The following PITPNM2 variants were observed in gnomAD, a reference collection of about 807,000 sequenced individuals.
PITPNM2 encodes phosphatidylinositol transfer protein membrane associated 2.
In PITPNM2, 35 loss-of-function variants were observed where a neutral mutation model predicts 132.2. The observed-to-expected ratio is 0.26, with a 90% CI of 0.20 to 0.35. The LOEUF is 0.35. Ranked by LOEUF, PITPNM2 falls within the 10% of genes least tolerant of loss-of-function variation. PITPNM2 has a pLI of 1.00. For missense variants in PITPNM2, 1,332 were observed against 1,912.0 expected (o/e 0.70, Z 5.66); for synonymous variants, 738 against 799.2 (o/e 0.92, Z 1.29).
At chr12:123,080,107 A>C (rs1478832736) in intron 2 of PITPNM2, among the ~76,000 whole-genome samples, 1 of 152,060 alleles carries the variant, frequency 6.6e-6, no homozygotes, top group Non-Finnish European at 1.5e-5. Context: ...TCAGTCCTTC[A>C]TTCTCTTTTA....
rs1171590738 is a variant in PITPNM2 at position 123,150,732 on chromosome 12, C to A, written c.-200+21G>T. ...CGGGACTCACCGCGGGCCTGCGGAG[C>A]GGCCGCCCGGACGCACTCACCCCGC... On this transcript the variant is annotated intron_variant, in intron 1 of 25. Transcript: ENST00000320201. This position sits in a 1 kb window ranked among gnomAD's most constrained non-coding sequence, Gnocchi z 6.0. Among the ~76,000 whole-genome samples the A allele has an allele frequency of 6.6e-6, 1 of 150,552 alleles. No individual in the cohort carries two copies. The highest frequency in any genetic ancestry group is 1.5e-5 in the Non-Finnish European group (1 of 67,556).
chr12:123,135,008 T>C (rs998903847), intron 1 of PITPNM2, among the ~76,000 whole-genome samples: 1 of 152,228 alleles, frequency 6.6e-6, no homozygotes, highest in Non-Finnish European at 1.5e-5. Flanking sequence ...GATCATGTTT[T>C]GTTGGTGGGC....
rs558786219 is a variant in PITPNM2, at chr12:123,097,871, A to C, written c.-96+12514T>G. 2.0e-5 allele frequency among the ~76,000 whole-genome samples: 3 copies of C among 152,352 alleles called. No individual in the cohort carries two copies. The East Asian group carries it at 5.8e-4, about 29-fold the overall frequency. On this transcript the variant is annotated intron_variant, in intron 2 of 25. Transcript: ENST00000320201. This position sits in a 1 kb window ranked among gnomAD's most constrained non-coding sequence, Gnocchi z 4.7. ...TGAGGAACAGCTGGACAGAGCTCGG[A>C]AAGCGGCTGCAGCCAGATGGGAACA...
rs764916085 is a variant in PITPNM2 at position 122,996,444 on chromosome 12, C to A, written c.1782+14G>T. 1.2e-6 allele frequency: 2 copies of A among 1,612,726 alleles called. No individual in the cohort carries two copies. The highest frequency in any genetic ancestry group is 1.7e-6 in the Non-Finnish European group (2 of 1,179,890). On this transcript the variant is annotated intron_variant, in intron 13 of 25. Coordinates refer to ENST00000320201, the MANE Select transcript of PITPNM2 (RefSeq NM_020845.3). Reference sequence around the variant, plus strand: ...TTCAGGCCTTGGGGACTGTCTGGGCCCCCACTTGGGTACCTGCATGCTGAC... The same window carrying A: ...TTCAGGCCTTGGGGACTGTCTGGGCACCCACTTGGGTACCTGCATGCTGAC...
chr12:123,039,256 C>T (rs1020938366), intron 2 of PITPNM2, among the ~76,000 whole-genome samples: 5 of 151,744 alleles, frequency 3.3e-5, no homozygotes, highest in African/African-American at 1.2e-4. Flanking sequence ...AAGGCCCTGT[C>T]TCAAAAATAA....
chr12:123,149,771 C>A (rs577722967), intron 1 of PITPNM2: 1 of 152,606 alleles, frequency 6.6e-6, no homozygotes, highest in Non-Finnish European at 1.5e-5. Flanking sequence ...AAGGGGAGCA[C>A]TTACTGCCTT....
chr12:123,007,174 T>C (rs973342622), intron 6 of PITPNM2, among the ~76,000 whole-genome samples: 1 of 152,178 alleles, frequency 6.6e-6, no homozygotes, highest in African/African-American at 2.4e-5. Context: ...TCCGCATCTA[T>C]GTGTCACGCT....
intron 1 of PITPNM2, among the ~76,000 whole-genome samples, chr12:123,116,989 A>G (rs2137398840): frequency 6.6e-6 from 1 of 152,366 alleles, no homozygotes. Flanking sequence ...CCACACTGTG[A>G]GCAAATAAAT....
chr12:123,102,292 T>G (rs187624244), intron 2 of PITPNM2, among the ~76,000 whole-genome samples: 172 of 152,286 alleles, frequency 1.1e-3, no homozygotes, highest in Middle Eastern at 3.4e-3. Flanking sequence ...TTCCTTACTG[T>G]CTCCGCATCC....
At chr12:123,072,152 G>A (rs910919850) in intron 2 of PITPNM2, among the ~76,000 whole-genome samples, 6 of 152,228 alleles carry the variant, frequency 3.9e-5, no homozygotes, top group African/African-American at 9.6e-5. Flanking sequence ...CAGGAAAAGT[G>A]AGGACGCTGG....
Position 123,073,042 on chromosome 12 carries a change from T to C in PITPNM2, c.-96+37343A>G, listed in dbSNP as rs528244560. 5.3e-5 allele frequency among the ~76,000 whole-genome samples: 8 copies of C among 152,314 alleles called. No individual in the cohort carries two copies. In the South Asian group the frequency reaches 1.7e-3, roughly 32 times the overall value. On this transcript the variant is annotated intron_variant, in intron 2 of 25. Coordinates refer to ENST00000320201, the MANE Select transcript of PITPNM2 (RefSeq NM_020845.3). Reference sequence around the variant, plus strand: ...CTGCCCCCCTCCCCAGAGCTCCCTATCCCCTTCAGGGATGGCCAGCTGTCT... The same window carrying C: ...CTGCCCCCCTCCCCAGAGCTCCCTACCCCCTTCAGGGATGGCCAGCTGTCT...
intron 2 of PITPNM2, among the ~76,000 whole-genome samples, chr12:123,102,215 G>A (rs2042579194): frequency 6.6e-6 from 1 of 152,204 alleles, no homozygotes; most frequent in Admixed American, 6.5e-5. Flanking sequence ...GGAAAGTGCT[G>A]AACAACATGT....
chr12:123,003,045 A>C (rs1182504280), intron 8 of PITPNM2, among the ~76,000 whole-genome samples: 3 of 152,150 alleles, frequency 2.0e-5, no homozygotes, highest in South Asian at 2.1e-4. Context: ...GGCCTAATAC[A>C]TTACTGTTAA....
Position 123,012,722 on chromosome 12 carries a change from A to C in PITPNM2, c.306T>G (p.Pro102=). 6.2e-7 allele frequency: 1 copy of C among 1,614,142 alleles called. No individual in the cohort carries two copies. The highest frequency in any genetic ancestry group is 8.5e-7 in the Non-Finnish European group (1 of 1,179,976). ...TGTCGATGGAGAATTTCTCCACGAAAGGACAGGTGAACCTGTGCGGAAAGG... is the reference window on the plus strand; with the variant it reads ...TGTCGATGGAGAATTTCTCCACGAACGGACAGGTGAACCTGTGCGGAAAGG... ...YPYTRTRFTC[P]FVEKFSIDIE... is the part of the protein sequence containing the mutation. Residue 102 remains proline (P), a synonymous_variant, in exon 5 of 26, where the codon CCT becomes CCG. Coordinates refer to ENST00000320201, the MANE Select transcript of PITPNM2 (RefSeq NM_020845.3).
At chr12:122,999,251 C>T (rs374083905) in intron 10 of PITPNM2, among the ~76,000 whole-genome samples, 2 of 152,112 alleles carry the variant, frequency 1.3e-5, no homozygotes, top group African/African-American at 2.4e-5. Context: ...CCAGGAGGAG[C>T]CAAGGGCTTC....
chr12:123,061,084 C>A (rs1257118521), intron 2 of PITPNM2, among the ~76,000 whole-genome samples: 1 of 152,168 alleles, frequency 6.6e-6, no homozygotes, highest in Non-Finnish European at 1.5e-5. Context: ...ATGCATCCAT[C>A]CACCCATGCA....
At chr12:123,146,566 C>G (rs999435666) in intron 1 of PITPNM2, among the ~76,000 whole-genome samples, 43 of 151,578 alleles carry the variant, frequency 2.8e-4, no homozygotes, top group African/African-American at 9.7e-4. Flanking sequence ...TGCACTGCAG[C>G]CTGGGCAACA....
intron 3 of PITPNM2, among the ~76,000 whole-genome samples, chr12:123,015,067 T>C (rs2039368027): frequency 6.6e-6 from 1 of 152,214 alleles, no homozygotes; most frequent in Admixed American, 6.5e-5. Flanking sequence ...CATCCCGTGT[T>C]GATGGATTGG....
intron 2 of PITPNM2, among the ~76,000 whole-genome samples, chr12:123,098,101 C>T (rs954761505): frequency 6.6e-6 from 1 of 152,184 alleles, no homozygotes; most frequent in Non-Finnish European, 1.5e-5. Context: ...GCAGGTCACC[C>T]CCAGCACCCA....
Sources: gnomAD v4.1 joint callset for allele counts (sites outside exome capture counted in the v4.1 genomes callset) on GRCh38, gnomAD v4.1.1 for gene constraint, Gnocchi (gnomAD v3.1) non-coding constraint, MANE v1.5 for transcripts, NCBI Gene and HGNC (gene_info 2026-07-23, HGNC 2026-07-21) for gene names.